ESR2: variants seen among roughly 807,000 people sequenced by gnomAD.
ESR2 encodes estrogen receptor beta.
Under a neutral mutation model 49.6 loss-of-function variants are expected in ESR2, and 36 were observed. That is an observed-to-expected ratio of 0.73 (90% CI 0.56 to 0.96). ESR2 has a LOEUF of 0.96. Ranked by LOEUF, ESR2 falls within the 40% of genes least tolerant of loss-of-function variation. The pLI is 0.00. For synonymous variants in ESR2, 320 were observed against 266.1 expected (o/e 1.20, Z -1.97); for missense variants, 714 against 693.0 (o/e 1.03, Z -0.34).
At chr14:64,300,216 C>G (rs551309051) in intron 1 of ESR2, among the ~76,000 whole-genome samples, 22 of 152,336 alleles carry the variant, frequency 1.4e-4, no homozygotes, top group African/African-American at 5.3e-4. Context: ...CAGATTTGCA[C>G]TCATAGGAAC....
chr14:64,314,974 C>T (rs542185915), intron 1 of ESR2, among the ~76,000 whole-genome samples: 10 of 150,902 alleles, frequency 6.6e-5, no homozygotes, highest in South Asian at 2.1e-4. Context: ...TGGATGGACG[C>T]GGTGGCTCAT....
intron 7 of ESR2, among the ~76,000 whole-genome samples, chr14:64,238,992 C>G (rs1049709645): frequency 1.3e-5 from 2 of 152,114 alleles, no homozygotes; most frequent in Non-Finnish European, 2.9e-5. Context: ...ATAAGCTTTC[C>G]TTGACTGAAG....
chr14:64,272,428 G>A lies in ESR2; in HGVS notation c.536-3517C>T, dbSNP rs1326729423. Reference sequence around the variant, plus strand: ...ATTCCATTTGTCCACTTTTACTTTGGTTGCCTGTGCTTGTGTGGTATTATT... The same window carrying A: ...ATTCCATTTGTCCACTTTTACTTTGATTGCCTGTGCTTGTGTGGTATTATT... On this transcript the variant is annotated intron_variant, in intron 3 of 8. Transcript: ENST00000341099. 2.6e-5 allele frequency among the ~76,000 whole-genome samples: 4 copies of A among 152,082 alleles called. No homozygotes were observed. In the South Asian group the frequency reaches 8.3e-4, roughly 32 times the overall value.
chr14:64,235,154 G>C lies in ESR2; in HGVS notation c.1226-4C>G, dbSNP rs780668361. 1.2e-6 allele frequency: 2 copies of C among 1,609,730 alleles called. No individual in the cohort carries two copies. The highest frequency in any genetic ancestry group is 2.7e-5 in the African/African-American group (2 of 75,030). On this transcript the variant is annotated splice_region_variant and splice_polypyrimidine_tract_variant and intron_variant, in intron 7 of 8. Transcript: ENST00000341099. The stretch of plus-strand genomic sequence containing the variant: ...GCTGTGACCAGAGGGTACATACCTG[G>C]ACAAAGAATAAAAGCCAGAAGTCAT...
intron 1 of ESR2, among the ~76,000 whole-genome samples, chr14:64,328,400 C>A (rs1426328539): frequency 1.3e-5 from 2 of 150,690 alleles, no homozygotes; most frequent in African/African-American, 4.9e-5. Flanking sequence ...GCATGGGCGA[C>A]AGAGCAAGAC....
intron 3 of ESR2, among the ~76,000 whole-genome samples, chr14:64,269,535 GGACTTTTT>G (rs2076396832): frequency 6.6e-6 from 1 of 152,172 alleles, no homozygotes. Flanking sequence ...CTTGACCACA[GGACTTTTT>G]ATAGCCAATG....
chr14:64,234,899 A>C (rs767381562), intron 8 of ESR2, 71 bp downstream of exon 8: 76 of 1,568,548 alleles, frequency 4.8e-5, no homozygotes, highest in Non-Finnish European at 5.9e-5. Flanking sequence ...CTTTTCCCAA[A>C]TCACTTCACC....
intron 1 of ESR2, among the ~76,000 whole-genome samples, chr14:64,286,533 C>T (rs1280918927): frequency 6.6e-6 from 1 of 151,994 alleles, no homozygotes; most frequent in African/African-American, 2.4e-5. Flanking sequence ...AACTTCCGAC[C>T]TCAAATGATC....
At chr14:64,261,562 A>T (rs1256048) in intron 4 of ESR2, among the ~76,000 whole-genome samples, 9 of 151,744 alleles carry the variant, frequency 5.9e-5, no homozygotes, top group Admixed American at 2.0e-4. Flanking sequence ...GGATTACAGG[A>T]GCCCGCCACC....
At chr14:64,281,920 T>C (rs767697591) in intron 2 of ESR2, among the ~76,000 whole-genome samples, 8 of 152,262 alleles carry the variant, frequency 5.3e-5, no homozygotes, top group Non-Finnish European at 1.2e-4. Context: ...TGTAATACTA[T>C]CACAGTTACT....
chr14:64,331,822 CAAAAAAAAA>C (rs368932180), intron 1 of ESR2, among the ~76,000 whole-genome samples: 12 of 52,444 alleles, frequency 2.3e-4, no homozygotes, highest in African/African-American at 8.2e-4. Context: ...GACTCCATCT[CAAAAAAAAA>C]AAAAAAAAAA....
At chr14:64,246,663 C>T (rs529670581) in intron 7 of ESR2, among the ~76,000 whole-genome samples, 2 of 125,428 alleles carry the variant, frequency 1.6e-5, no homozygotes, top group African/African-American at 5.9e-5. Context: ...ACCTGGGAGG[C>T]GGAGGTTTCA....
intron 1 of ESR2, among the ~76,000 whole-genome samples, chr14:64,305,544 A>C (rs1331107958): frequency 6.8e-6 from 1 of 147,162 alleles, no homozygotes; most frequent in Non-Finnish European, 1.5e-5. Flanking sequence ...GGTAGCGGAC[A>C]CCTGTAGTCT....
At chr14:64,314,877 CAA>C (rs1179436563) in intron 1 of ESR2, among the ~76,000 whole-genome samples, 18 of 20,478 alleles carry the variant, frequency 8.8e-4, no homozygotes, top group African/African-American at 2.4e-3. Flanking sequence ...GACTCCGTCT[CAA>C]AAAAAAAAAA....
upstream of ESR2, among the ~76,000 whole-genome samples, chr14:64,299,138 T>C (rs193233301): frequency 2.9e-4 from 44 of 151,230 alleles, no homozygotes; most frequent in East Asian, 7.8e-3. Flanking sequence ...GCCAGTGTAA[T>C]ATTCCCTGAA....
Position 64,320,100 on chromosome 14 carries a change from A to G in ESR2, c.-91+17798T>C, listed in dbSNP as rs546340764. 5.9e-5 allele frequency among the ~76,000 whole-genome samples: 9 copies of G among 152,344 alleles called. No homozygotes were observed. The South Asian group carries it at 1.9e-3, about 32-fold the overall frequency. ...GCACAACAGAATATTATTTGCAAAA[A>G]AAAAATGCTTTTTATTCACATTGCA... On this transcript the variant is annotated intron_variant, in intron 1 of 8. Coordinates refer to the ESR2 transcript ENST00000358599.
At chr14:64,284,724 T>C (rs1350666302) in intron 1 of ESR2, among the ~76,000 whole-genome samples, 1 of 152,210 alleles carries the variant, frequency 6.6e-6, no homozygotes, top group African/African-American at 2.4e-5. Context: ...CCCATCATAG[T>C]TACCTTTGAC....
intron 1 of ESR2, among the ~76,000 whole-genome samples, chr14:64,324,988 A>G (rs999159994): frequency 1.3e-5 from 2 of 152,226 alleles, no homozygotes; most frequent in Non-Finnish European, 2.9e-5. Context: ...AGCCATATTC[A>G]TTACATTCCA....
chr14:64,240,275 T>C (rs1328525877), intron 7 of ESR2, among the ~76,000 whole-genome samples: 1 of 151,854 alleles, frequency 6.6e-6, no homozygotes, highest in Non-Finnish European at 1.5e-5. Context: ...GACAGCCCAA[T>C]GCTTATCTAG....
Sources: gnomAD v4.1 joint callset for allele counts (sites outside exome capture counted in the v4.1 genomes callset) on GRCh38, gnomAD v4.1.1 for gene constraint, MANE v1.5 for transcripts, NCBI Gene and HGNC (gene_info 2026-07-23, HGNC 2026-07-21) for gene names.